L2HGDH: variants seen among roughly 807,000 people sequenced by gnomAD.
L2HGDH encodes the protein L-2-hydroxyglutarate dehydrogenase, mitochondrial.
Under a neutral mutation model 51.5 loss-of-function variants are expected in L2HGDH, and 34 were observed. That is an observed-to-expected ratio of 0.66 (90% CI 0.50 to 0.88). L2HGDH has a LOEUF of 0.88. L2HGDH is among the 40% of genes least tolerant of loss of function. The pLI is 0.00. For missense variants in L2HGDH, 558 were observed against 571.9 expected (o/e 0.98, Z 0.25); for synonymous variants, 198 against 197.9 (o/e 1.00, Z -0.01).
At chr14:50,306,492 T>G (rs1273941953) in intron 1 of L2HGDH, among the ~76,000 whole-genome samples, 1 of 152,212 alleles carries the variant, frequency 6.6e-6, no homozygotes, top group Non-Finnish European at 1.5e-5. Context: ...TCATTTTCTG[T>G]AAAAGGTAGC....
At chr14:50,303,320 G>A (rs1484880250) in intron 1 of L2HGDH, among the ~76,000 whole-genome samples, 7 of 152,010 alleles carry the variant, frequency 4.6e-5, no homozygotes, top group African/African-American at 1.7e-4. Context: ...TATTTGGGAG[G>A]CTGAGGCAGA....
rs571340525 is a variant in L2HGDH at position 50,258,871 on chromosome 14, T to C, written c.1196+6487A>G. 2.0e-5 allele frequency among the ~76,000 whole-genome samples: 3 copies of C among 151,878 alleles called. No individual in the cohort carries two copies. In the South Asian group the frequency reaches 6.2e-4, roughly 32 times the overall value. Reference sequence around the variant, plus strand: ...AATTTTATTTATTTTTGAGACAGGGTCTCACTGTTGTCCAGACTGGAGTGC... The same window carrying C: ...AATTTTATTTATTTTTGAGACAGGGCCTCACTGTTGTCCAGACTGGAGTGC... On this transcript the variant is annotated intron_variant, in intron 9 of 9. Coordinates refer to ENST00000267436, the MANE Select transcript of L2HGDH (RefSeq NM_024884.3).
chr14:50,297,175 T>C (rs1268229592), intron 3 of L2HGDH, among the ~76,000 whole-genome samples: 3 of 152,210 alleles, frequency 2.0e-5, no homozygotes, highest in African/African-American at 7.2e-5. Context: ...GATTGAATGC[T>C]TTCTCTATTA....
At chr14:50,251,962 AAC>A (rs1047555505) in intron 9 of L2HGDH, among the ~76,000 whole-genome samples, 5 of 152,076 alleles carry the variant, frequency 3.3e-5, no homozygotes, top group African/African-American at 1.2e-4. Context: ...ACACATAAAA[AAC>A]ACAGAATAGT....
At position 50,294,185 on chromosome 14, in the gene L2HGDH, AG is replaced by A. The variant is rs2029898226; in HGVS notation, c.469del (p.Leu157SerfsTer8). 1 of 1,613,604 alleles carries A rather than the reference AG, an allele frequency of 6.2e-7. No individual in the cohort carries two copies. The highest frequency in any genetic ancestry group is 1.1e-5 in the South Asian group (1 of 91,058). On this transcript the variant is annotated frameshift_variant, in exon 4 of 10. Coordinates refer to ENST00000267436, the MANE Select transcript of L2HGDH (RefSeq NM_024884.3). LOFTEE classifies it high-confidence loss of function. ...PRLQALYEKG[L>X]QNGVPGLRLI... ...CCTCAGGCCCGGGACACCATTCTGGAGGCCTTTCTCATATAGGGCCTGAAGT... is the reference window on the plus strand; with the variant it reads ...CCTCAGGCCCGGGACACCATTCTGGAGCCTTTCTCATATAGGGCCTGAAGT...
intron 9 of L2HGDH, among the ~76,000 whole-genome samples, chr14:50,261,232 T>C (rs536804796): frequency 6.6e-6 from 1 of 152,354 alleles, no homozygotes; most frequent in South Asian, 2.1e-4. Context: ...CCATAAGCCA[T>C]TACAACTTTA....
At chr14:50,265,963 T>C (rs1323748345) in intron 8 of L2HGDH, among the ~76,000 whole-genome samples, 1 of 151,728 alleles carries the variant, frequency 6.6e-6, no homozygotes, top group Non-Finnish European at 1.5e-5. Context: ...TTGGCCAATA[T>C]CAGAAGAAAA....
chr14:50,266,701 CAACT>C (rs1889355372), intron 8 of L2HGDH, among the ~76,000 whole-genome samples: 1 of 152,138 alleles, frequency 6.6e-6, no homozygotes. Context: ...TATATTTTTA[CAACT>C]ACATGTGCCA....
chr14:50,290,289 A>C (rs897898928), intron 4 of L2HGDH, among the ~76,000 whole-genome samples: 1 of 152,104 alleles, frequency 6.6e-6, no homozygotes, highest in Admixed American at 6.6e-5. Context: ...AAAAACAAAC[A>C]AACAAAAAAA....
At chr14:50,266,143 C>A (rs1486218103) in intron 8 of L2HGDH, among the ~76,000 whole-genome samples, 62 of 136,904 alleles carry the variant, frequency 4.5e-4, no homozygotes, top group South Asian at 4.6e-4. Context: ...AACTTTGACT[C>A]AAAAAAAAAA....
chr14:50,287,111 C>T (rs769779962), intron 4 of L2HGDH: 42 of 879,446 alleles, frequency 4.8e-5, no homozygotes, highest in African/African-American at 2.7e-4. Flanking sequence ...ATTTATAAGA[C>T]ACAAAAATAT....
intron 9 of L2HGDH, among the ~76,000 whole-genome samples, chr14:50,264,029 C>T (rs553899636): frequency 2.6e-5 from 4 of 151,354 alleles, no homozygotes; most frequent in Non-Finnish European, 5.9e-5. Context: ...CCCGCCTCAG[C>T]CTCCCAAGTG....
chr14:50,296,930 G>C (rs915035424), intron 3 of L2HGDH, among the ~76,000 whole-genome samples: 2 of 152,234 alleles, frequency 1.3e-5, no homozygotes, highest in Admixed American at 1.3e-4. Context: ...CCATGACCAA[G>C]AGGGATTTAT....
intron 4 of L2HGDH, among the ~76,000 whole-genome samples, chr14:50,287,675 T>C (rs1231545293): frequency 6.7e-6 from 1 of 148,312 alleles, no homozygotes; most frequent in Non-Finnish European, 1.5e-5. Flanking sequence ...CACATAATTA[T>C]ATTTTTATTT....
chr14:50,303,531 C>T (rs1261173266), intron 1 of L2HGDH, among the ~76,000 whole-genome samples: 3 of 151,192 alleles, frequency 2.0e-5, no homozygotes, highest in Non-Finnish European at 4.4e-5. Context: ...AATCCCAGCA[C>T]TTTGGGAGGC....
At chr14:50,299,353 G>A (rs925306189) in intron 3 of L2HGDH, among the ~76,000 whole-genome samples, 3 of 152,084 alleles carry the variant, frequency 2.0e-5, no homozygotes, top group Non-Finnish European at 2.9e-5. Flanking sequence ...GTAAAGAAAA[G>A]CCCAGAACCT....
At chr14:50,294,281 G>T (rs745467445) in intron 3 of L2HGDH, 35 bp from the exon 4 acceptor site, 2 of 1,599,920 alleles carry the variant, frequency 1.3e-6, no homozygotes, top group Non-Finnish European at 8.5e-7. Flanking sequence ...CATGGATAGA[G>T]GTGAATGTAT....
At chr14:50,311,236 G>A in intron 1 of L2HGDH, 1 of 420,274 alleles carries the variant, frequency 2.4e-6, no homozygotes, top group Admixed American at 2.8e-5. Flanking sequence ...CTTTTAAATA[G>A]CTTCCCGTGG....
At chr14:50,306,961 G>T (rs752648175) in intron 1 of L2HGDH, among the ~76,000 whole-genome samples, 1 of 151,974 alleles carries the variant, frequency 6.6e-6, no homozygotes, top group Non-Finnish European at 1.5e-5. Flanking sequence ...TATTATAGGC[G>T]AACACTGCCA....
Sources: allele counts gnomAD v4.1 joint callset (sites outside exome capture counted in the v4.1 genomes callset), GRCh38; gene constraint gnomAD v4.1.1; transcripts MANE v1.5; gene names NCBI Gene and HGNC (gene_info 2026-07-23, HGNC 2026-07-21).